Variants in LDLRAD3 observed in about 807,000 individuals in gnomAD.
LDLRAD3 encodes low density lipoprotein receptor class A domain containing 3.
LDLRAD3 carries 20 observed loss-of-function variants against 29.4 expected under a neutral mutation model. The ratio of observed to expected loss-of-function variants is 0.68; its 90% confidence interval spans 0.48 to 0.99. LDLRAD3 has a LOEUF of 0.99. Ranked by LOEUF, LDLRAD3 falls within the 50% of genes least tolerant of loss-of-function variation. The pLI, the probability that LDLRAD3 is intolerant of heterozygous loss-of-function variation, is 0.00. For synonymous variants in LDLRAD3, 157 were observed against 192.7 expected (o/e 0.81, Z 1.53); for missense variants, 420 against 454.3 (o/e 0.92, Z 0.69).
intron 4 of LDLRAD3, among the ~76,000 whole-genome samples, chr11:36,156,023 A>G (rs1181686045): frequency 6.6e-6 from 1 of 152,150 alleles, no homozygotes; most frequent in African/African-American, 2.4e-5. Context: ...GTGGTTCTCA[A>G]TCCTAGTTGC....
chr11:35,949,320 C>T (rs1851101517), intron 1 of LDLRAD3, among the ~76,000 whole-genome samples: 1 of 152,170 alleles, frequency 6.6e-6, no homozygotes, highest in Non-Finnish European at 1.5e-5. Flanking sequence ...CCAAAAGCCA[C>T]CTGGTTCCCT....
At chr11:36,185,333 T>C (rs889445546) in intron 4 of LDLRAD3, among the ~76,000 whole-genome samples, 7 of 152,148 alleles carry the variant, frequency 4.6e-5, no homozygotes, top group African/African-American at 1.7e-4. Context: ...AATAAAAAGA[T>C]CAAATAGTAC....
At chr11:36,202,229 A>G (rs935927467) in intron 4 of LDLRAD3, among the ~76,000 whole-genome samples, 1 of 151,966 alleles carries the variant, frequency 6.6e-6, no homozygotes, top group Non-Finnish European at 1.5e-5. Flanking sequence ...TTTAGTAGAG[A>G]AGGCTACTAT....
intron 3 of LDLRAD3, among the ~76,000 whole-genome samples, chr11:36,090,228 A>G (rs183077118): frequency 1.7e-4 from 26 of 152,276 alleles, no homozygotes; most frequent in Middle Eastern, 3.4e-3. Context: ...TATATTTTAT[A>G]CTCAGTGAGA....
rs117351126 is a variant in LDLRAD3, at chr11:36,205,397, C to T, written c.455-21688C>T. Among the ~76,000 whole-genome samples the T allele has an allele frequency of 9.7e-4, 147 of 152,244 alleles. 1 individual carries two copies. The East Asian group carries it at 0.026, about 27-fold the overall frequency. ...TAGGACAGTCACCGGCTTCACACAG[C>T]CCTGTCATTGTCTTGGTGTCCCTGA... On this transcript the variant is annotated intron_variant, in intron 4 of 5. Transcript: ENST00000315571.
chr11:36,185,255 TC>T (rs5791088), intron 4 of LDLRAD3, among the ~76,000 whole-genome samples: 5 of 152,156 alleles, frequency 3.3e-5, no homozygotes, highest in African/African-American at 4.8e-5. Context: ...ACCTTTGTTC[TC>T]CCTAGAGTGT....
At chr11:36,215,827 G>A (rs1330192432) in intron 4 of LDLRAD3, among the ~76,000 whole-genome samples, 1 of 152,178 alleles carries the variant, frequency 6.6e-6, no homozygotes, top group African/African-American at 2.4e-5. Context: ...CTCCAAGTGT[G>A]CACACTCAGC....
chr11:36,053,759 A>T (rs1590228842), intron 2 of LDLRAD3, among the ~76,000 whole-genome samples: 2 of 152,186 alleles, frequency 1.3e-5, no homozygotes, highest in African/African-American at 4.8e-5. Context: ...AGTGCCCTTG[A>T]CACTGCGAAT....
At chr11:36,056,422 G>C (rs1266504957) in intron 2 of LDLRAD3, among the ~76,000 whole-genome samples, 1 of 152,172 alleles carries the variant, frequency 6.6e-6, no homozygotes, top group African/African-American at 2.4e-5. Context: ...CAGTTGGAGA[G>C]TTGAGGCTTA....
At chr11:36,068,215 T>C (rs1852829415) in intron 2 of LDLRAD3, among the ~76,000 whole-genome samples, 1 of 152,222 alleles carries the variant, frequency 6.6e-6, no homozygotes, top group South Asian at 2.1e-4. Flanking sequence ...AGCCTTAGAC[T>C]GTCTAAACAT....
intron 4 of LDLRAD3, among the ~76,000 whole-genome samples, chr11:36,147,098 C>T (rs1405679519): frequency 2.1e-5 from 1 of 48,124 alleles, no homozygotes; most frequent in African/African-American, 8.7e-5. Flanking sequence ...CCCATATTTA[C>T]TTTTTTTTTT....
intron 4 of LDLRAD3, among the ~76,000 whole-genome samples, chr11:36,223,722 A>T (rs1028096813): frequency 6.1e-5 from 9 of 147,908 alleles, no homozygotes; most frequent in Non-Finnish European, 1.0e-4. Context: ...TGTCTCAAAA[A>T]ATACATATTA....
At chr11:36,227,865 A>G (rs990082383) in intron 5 of LDLRAD3, among the ~76,000 whole-genome samples, 1 of 152,222 alleles carries the variant, frequency 6.6e-6, no homozygotes, top group African/African-American at 2.4e-5. Context: ...AGTGCCCAGT[A>G]CATGTGAGAG....
chr11:35,977,345 G>T (rs1161786257), intron 1 of LDLRAD3, among the ~76,000 whole-genome samples: 1 of 152,116 alleles, frequency 6.6e-6, no homozygotes, highest in Non-Finnish European at 1.5e-5. Flanking sequence ...TGGCCAAAAC[G>T]CAGCCACATT....
At chr11:36,034,099 T>C (rs35725524) in intron 1 of LDLRAD3, among the ~76,000 whole-genome samples, 18,262 of 152,274 alleles carry the variant, frequency 0.12, 1,375 homozygotes, top group Non-Finnish European at 0.17. Context: ...TATCTCTGTG[T>C]GTCTATCAAC....
chr11:36,001,758 CGTGTGTGTGTGTGT>C (rs3220787), intron 1 of LDLRAD3, among the ~76,000 whole-genome samples: 29 of 148,430 alleles, frequency 2.0e-4, no homozygotes, highest in South Asian at 8.6e-4. Flanking sequence ...ATATTGTATA[CGTGTGTGTGTGTGT>C]GTGTGTGTGT....
In LDLRAD3 at chr11:35,944,221, C is replaced by A; in HGVS notation, c.46+77C>A. ...GCGGGGCGCAGCGGCCGGGTGCGAT[C>A]GCGTCCTCTCCCGGGCGCGGGCCGC... On this transcript the variant is annotated intron_variant, in intron 1 of 5. Transcript: ENST00000315571. The surrounding 1 kb of genome is among the most constrained non-coding windows in gnomAD (Gnocchi z 4.9). 1.2e-6 allele frequency: 1 copy of A among 850,604 alleles called. No homozygotes were observed. The highest frequency in any genetic ancestry group is 1.4e-6 in the Non-Finnish European group (1 of 706,428). 52.7% of individuals were successfully genotyped at this position (850,604 alleles called of 1,614,324 possible).
chr11:35,971,754 A>G (rs371877965), intron 1 of LDLRAD3, among the ~76,000 whole-genome samples: 1 of 152,168 alleles, frequency 6.6e-6, no homozygotes, highest in African/African-American at 2.4e-5. Context: ...ATAGGGGAGC[A>G]ATATTGTGGG....
At chr11:36,105,541 A>T (rs1853517184) in intron 4 of LDLRAD3, among the ~76,000 whole-genome samples, 1 of 152,102 alleles carries the variant, frequency 6.6e-6, no homozygotes, top group Non-Finnish European at 1.5e-5. Flanking sequence ...GTCATACTGG[A>T]GTTGTGTGGG....
Sources: allele counts gnomAD v4.1 joint callset (sites outside exome capture counted in the v4.1 genomes callset), GRCh38; gene constraint gnomAD v4.1.1; non-coding constraint Gnocchi (gnomAD v3.1); transcripts MANE v1.5; gene names NCBI Gene and HGNC (gene_info 2026-07-23, HGNC 2026-07-21).